PRDM5: variants seen among roughly 807,000 people sequenced by gnomAD.
PRDM5 encodes PR/SET domain 5, also known as PR domain zinc finger protein 5.
In PRDM5, 56 loss-of-function variants were observed where a neutral mutation model predicts 81.2. The ratio of observed to expected loss-of-function variants is 0.69; its 90% CI spans 0.56 to 0.86. The LOEUF is 0.86. PRDM5 is among the 40% of genes least tolerant of loss of function. PRDM5 has a pLI of 0.00. For synonymous variants in PRDM5, 267 were observed against 256.4 expected, an observed-to-expected ratio of 1.04 and a Z score of -0.39; for missense variants, 697 against 770.1, an observed-to-expected ratio of 0.91 and a Z score of 1.12.
chr4:120,815,474 C>T lies in PRDM5; in HGVS notation c.865+979G>A, dbSNP rs564464495. Among the ~76,000 whole-genome samples the T allele has an allele frequency of 2.0e-5, 3 of 152,324 alleles. No homozygotes were observed. The East Asian group carries it at 5.8e-4, about 29-fold the overall frequency. On this transcript the variant is annotated intron_variant, in intron 7 of 15. Coordinates refer to ENST00000264808, the MANE Select transcript of PRDM5 (RefSeq NM_018699.4). ...AGCCCAAACCAATGATGCAAAGTCG[C>T]AGCTAGCAGTTGTTCACGCTAGCCT...
At chr4:120,776,730 C>A (rs1342343751) in intron 13 of PRDM5, among the ~76,000 whole-genome samples, 1 of 152,038 alleles carries the variant, frequency 6.6e-6, no homozygotes, top group African/African-American at 2.4e-5. Flanking sequence ...AGGAAGTAAC[C>A]TGTGGCATAA....
chr4:120,863,191 T>TATATATACACACACACACACAC (rs1553997193), intron 2 of PRDM5, among the ~76,000 whole-genome samples: 2 of 70,310 alleles, frequency 2.8e-5, no homozygotes, highest in Non-Finnish European at 5.6e-5. Context: ...TATATATATA[T>TATATATACACACACACACACAC]ACACACACAC....
intron 14 of PRDM5, among the ~76,000 whole-genome samples, chr4:120,727,693 T>A (rs1034194924): frequency 2.0e-5 from 3 of 152,114 alleles, no homozygotes; most frequent in African/African-American, 7.2e-5. Flanking sequence ...CCCAACACTT[T>A]GGGCGGCTGA....
chr4:120,881,246 A>C (rs1341990398), intron 2 of PRDM5, among the ~76,000 whole-genome samples: 3 of 152,202 alleles, frequency 2.0e-5, no homozygotes. Context: ...TTTATTTCTC[A>C]AGAAAATCTT....
At chr4:120,922,445 G>C (rs1725074114) in intron 1 of PRDM5, 71 bp downstream of exon 1, 1 of 1,284,434 alleles carries the variant, frequency 7.8e-7, no homozygotes, top group Non-Finnish European at 9.9e-7. Context: ...CGGGCCCTGC[G>C]GCAGGGCGAC....
chr4:120,873,296 G>A (rs927426367), intron 2 of PRDM5, among the ~76,000 whole-genome samples: 17 of 151,976 alleles, frequency 1.1e-4, no homozygotes, highest in Admixed American at 4.6e-4. Context: ...GAGCCACCAC[G>A]CCCTGACCAC....
chr4:120,836,581 TCAC>T (rs902355971), intron 3 of PRDM5, among the ~76,000 whole-genome samples: 7 of 152,224 alleles, frequency 4.6e-5, no homozygotes, highest in African/African-American at 1.4e-4. Context: ...ACTGTAAACA[TCAC>T]CACAACTCAT....
chr4:120,878,669 A>G (rs996126262), intron 2 of PRDM5, among the ~76,000 whole-genome samples: 30 of 152,216 alleles, frequency 2.0e-4, no homozygotes, highest in African/African-American at 7.2e-4. Context: ...TGGTATACAA[A>G]AGATACAAAG....
intron 2 of PRDM5, among the ~76,000 whole-genome samples, chr4:120,882,462 T>A (rs753410259): frequency 2.6e-5 from 4 of 152,192 alleles, no homozygotes; most frequent in Non-Finnish European, 4.4e-5. Flanking sequence ...TCTTCCATCT[T>A]CATTTTGTCC....
intron 3 of PRDM5, among the ~76,000 whole-genome samples, chr4:120,841,877 C>T (rs749496749): frequency 6.6e-6 from 1 of 152,114 alleles, no homozygotes; most frequent in Non-Finnish European, 1.5e-5. Context: ...TTCTAACATA[C>T]CTCCTAAATC....
At chr4:120,914,870 G>C (rs72923580) in intron 1 of PRDM5, among the ~76,000 whole-genome samples, 3,379 of 152,252 alleles carry the variant, frequency 0.022, 135 homozygotes, top group African/African-American at 0.076. Flanking sequence ...GATCTAGCTG[G>C]AGGCCATTAT....
intron 4 of PRDM5, 104 bp from the exon 5 acceptor site, chr4:120,818,631 T>C: frequency 1.0e-6 from 1 of 969,922 alleles, no homozygotes; most frequent in Non-Finnish European, 1.6e-6. Context: ...TGCTTAATGA[T>C]ACCATATGAA....
intron 3 of PRDM5, among the ~76,000 whole-genome samples, chr4:120,835,940 A>T (rs978546122): frequency 2.0e-4 from 31 of 152,132 alleles, no homozygotes; most frequent in African/African-American, 5.8e-4. Context: ...AGTAAAAGGA[A>T]ATCTGAAAAG....
intron 11 of PRDM5, among the ~76,000 whole-genome samples, chr4:120,783,263 T>C (rs1216807052): frequency 6.6e-6 from 1 of 152,154 alleles, no homozygotes; most frequent in Non-Finnish European, 1.5e-5. Context: ...TTTATTTCCC[T>C]AAAATAACTC....
intron 8 of PRDM5, among the ~76,000 whole-genome samples, chr4:120,808,336 G>A (rs1482888139): frequency 6.6e-6 from 1 of 152,116 alleles, no homozygotes; most frequent in Non-Finnish European, 1.5e-5. Flanking sequence ...TAGATACAGA[G>A]TGTGGACACA....
At chr4:120,712,412 A>C (rs1225041788) in intron 14 of PRDM5, among the ~76,000 whole-genome samples, 1 of 152,224 alleles carries the variant, frequency 6.6e-6, no homozygotes, top group Non-Finnish European at 1.5e-5. Flanking sequence ...TATAAAAAAC[A>C]GTATGTAAAT....
chr4:120,895,484 TA>T (rs1764511099), intron 2 of PRDM5: 1 of 152,284 alleles, frequency 6.6e-6, no homozygotes, highest in African/African-American at 2.4e-5. Flanking sequence ...CAGAATCTAT[TA>T]GTATTCCACT....
rs73843621 is a variant in PRDM5 at position 120,824,040 on chromosome 4, A to G, written c.301-2695T>C. On this transcript the variant is annotated intron_variant, in intron 3 of 15. Coordinates refer to ENST00000264808, the MANE Select transcript of PRDM5 (RefSeq NM_018699.4). ...TTTACCTTCCACCATGAGTAGAAGG[A>G]GCCTGAAGCCATCACCAGAAGCAGA... is the stretch of plus-strand genomic sequence containing the variant. 8.6e-3 allele frequency among the ~76,000 whole-genome samples: 1,313 copies of G among 152,302 alleles called. 21 individuals are homozygous for G. Among genetic ancestry groups the G allele is most frequent in the African/African-American group, 0.03 (1,244 of 41,560 alleles).
At chr4:120,699,971 A>AT (rs56034122) in intron 15 of PRDM5, among the ~76,000 whole-genome samples, 24 of 152,072 alleles carry the variant, frequency 1.6e-4, no homozygotes, top group East Asian at 9.7e-4. Context: ...AAATAAATAA[A>AT]AAGCCCAAAT....
Sources: gnomAD v4.1 joint callset for allele counts (sites outside exome capture counted in the v4.1 genomes callset) on GRCh38, gnomAD v4.1.1 for gene constraint, MANE v1.5 for transcripts, NCBI Gene and HGNC (gene_info 2026-07-23, HGNC 2026-07-21) for gene names.